The following ZC3H3 variants were observed in gnomAD, a reference collection of about 807,000 sequenced individuals.
ZC3H3 encodes the protein zinc finger CCCH domain-containing protein 3.
ZC3H3 carries 36 observed loss-of-function variants against 77.3 expected under a neutral mutation model. That is an observed-to-expected ratio of 0.47 (90% CI 0.36 to 0.61). ZC3H3 has a LOEUF of 0.61. Among genes scored for constraint, ZC3H3 ranks in the 20% least tolerant of loss-of-function variants. The pLI is 0.00. For synonymous variants in ZC3H3, 626 were observed against 555.2 expected (o/e 1.13, Z -1.79); for missense variants, 1,331 against 1,312.2 (o/e 1.01, Z -0.22).
intron 4 of ZC3H3, among the ~76,000 whole-genome samples, chr8:143,505,861 C>T (rs1198670516): frequency 6.6e-6 from 1 of 152,214 alleles, no homozygotes; most frequent in African/African-American, 2.4e-5. Context: ...GCCTGCTCCA[C>T]CTCCTGCCCA....
chr8:143,461,191 T>A (rs1336492166), intron 9 of ZC3H3, among the ~76,000 whole-genome samples: 1 of 152,046 alleles, frequency 6.6e-6, no homozygotes, highest in East Asian at 1.9e-4. Context: ...ATGTGGTACG[T>A]GAATCATATC....
intron 4 of ZC3H3, among the ~76,000 whole-genome samples, chr8:143,489,164 T>C (rs1173540667): frequency 1.3e-5 from 2 of 152,212 alleles, no homozygotes; most frequent in African/African-American, 4.8e-5. Flanking sequence ...CAAATGTCAT[T>C]GCCTGCAGGG....
intron 11 of ZC3H3, among the ~76,000 whole-genome samples, chr8:143,439,281 G>A (rs958775604): frequency 6.6e-6 from 1 of 152,148 alleles, no homozygotes; most frequent in Non-Finnish European, 1.5e-5. Flanking sequence ...CTCCGAGGCA[G>A]GCATTTGAGT....
At chr8:143,485,405 G>C (rs1821025842) in intron 4 of ZC3H3, among the ~76,000 whole-genome samples, 1 of 152,176 alleles carries the variant, frequency 6.6e-6, no homozygotes, top group South Asian at 2.1e-4. Flanking sequence ...GGAGAGTCTG[G>C]GAACAGCCCA....
chr8:143,464,674 G>C (rs1820360247), intron 9 of ZC3H3, among the ~76,000 whole-genome samples: 1 of 152,178 alleles, frequency 6.6e-6, no homozygotes, highest in South Asian at 2.1e-4. Flanking sequence ...TGGGGTGCCT[G>C]GTGTTCTCGG....
chr8:143,464,578 C>T (rs918460106), intron 9 of ZC3H3, among the ~76,000 whole-genome samples: 2 of 152,202 alleles, frequency 1.3e-5, no homozygotes, highest in African/African-American at 4.8e-5. Context: ...TACAGGACCC[C>T]ACAGGTGAAC....
At chr8:143,503,522 T>C (rs1339150437) in intron 4 of ZC3H3, among the ~76,000 whole-genome samples, 24 of 113,920 alleles carry the variant, frequency 2.1e-4, no homozygotes, top group African/African-American at 7.0e-4. Context: ...CACCCAGCCA[T>C]CCCCCGACCA....
intron 4 of ZC3H3, among the ~76,000 whole-genome samples, chr8:143,500,289 C>T (rs1416613140): frequency 6.6e-6 from 1 of 152,238 alleles, no homozygotes; most frequent in African/African-American, 2.4e-5. Context: ...CTGCCTGCTG[C>T]CCAGGTATCT....
At chr8:143,490,216 G>C (rs994354462) in intron 4 of ZC3H3, among the ~76,000 whole-genome samples, 1 of 152,210 alleles carries the variant, frequency 6.6e-6, no homozygotes, top group African/African-American at 2.4e-5. Context: ...GCCCCCCGGG[G>C]CCTGGACCCT....
chr8:143,462,260 A>G lies in ZC3H3; in HGVS notation c.2307+3457T>C, dbSNP rs1430238420. 2.6e-5 allele frequency among the ~76,000 whole-genome samples: 4 copies of G among 152,174 alleles called. No individual in the cohort carries two copies. Among genetic ancestry groups the G allele is most frequent in the Non-Finnish European group, 5.9e-5 (4 of 68,022 alleles). On this transcript the variant is annotated intron_variant, in intron 9 of 11. Transcript: ENST00000262577. The surrounding 1 kb of genome is among the most constrained non-coding windows in gnomAD (Gnocchi z 4.7). Reference sequence around the variant, plus strand: ...AAAGGAGACTGAGGCCAGAGGAGGAAGTAACCGTGCAGGGACAAGCGACAC... The same window carrying G: ...AAAGGAGACTGAGGCCAGAGGAGGAGGTAACCGTGCAGGGACAAGCGACAC...
intron 4 of ZC3H3, among the ~76,000 whole-genome samples, chr8:143,486,660 A>G (rs899489203): frequency 4.6e-5 from 7 of 152,094 alleles, no homozygotes; most frequent in Non-Finnish European, 7.4e-5. Flanking sequence ...CACCCGCTAC[A>G]TGACCCCACC....
At chr8:143,507,668 T>G in intron 4 of ZC3H3, 78 bp downstream of exon 4, 1 of 1,391,096 alleles carries the variant, frequency 7.2e-7, no homozygotes, top group Non-Finnish European at 9.3e-7. Flanking sequence ...GGCCCTTGGA[T>G]TCTACCCTGC....
At chr8:143,498,992 C>T (rs1821444873) in intron 4 of ZC3H3, among the ~76,000 whole-genome samples, 1 of 151,862 alleles carries the variant, frequency 6.6e-6, no homozygotes, top group East Asian at 1.9e-4. Context: ...GGGGCAGAGG[C>T]AGAGCCATGG....
chr8:143,514,451 C>T (rs1228277631), intron 3 of ZC3H3, among the ~76,000 whole-genome samples: 4 of 152,216 alleles, frequency 2.6e-5, no homozygotes, highest in Admixed American at 2.6e-4. Flanking sequence ...TACCACACAG[C>T]AAACATGATC....
At chr8:143,536,014 G>A (rs1314969202) in intron 3 of ZC3H3, among the ~76,000 whole-genome samples, 1 of 152,186 alleles carries the variant, frequency 6.6e-6, no homozygotes, top group Non-Finnish European at 1.5e-5. Context: ...TCCATACCAA[G>A]GGACACACAG....
intron 5 of ZC3H3, 90 bp from the exon 6 acceptor site, chr8:143,468,749 GGT>G: frequency 6.9e-7 from 1 of 1,459,480 alleles, no homozygotes; most frequent in Non-Finnish European, 9.1e-7. Flanking sequence ...GGCCCTCAGG[GGT>G]CCCAACACTC....
chr8:143,465,044 G>A (rs1820370530), intron 9 of ZC3H3, among the ~76,000 whole-genome samples: 1 of 152,116 alleles, frequency 6.6e-6, no homozygotes, highest in Non-Finnish European at 1.5e-5. Context: ...GGAGCTGGCT[G>A]CACTGCCGGG....
chr8:143,519,716 A>G (rs1489703193), intron 3 of ZC3H3, among the ~76,000 whole-genome samples: 2 of 152,296 alleles, frequency 1.3e-5, no homozygotes, highest in Admixed American at 6.5e-5. Flanking sequence ...TCACAGCCGC[A>G]GGCCCCACGT....
At chr8:143,517,677 T>G (rs1177267387) in intron 3 of ZC3H3, among the ~76,000 whole-genome samples, 1 of 152,166 alleles carries the variant, frequency 6.6e-6, no homozygotes, top group Non-Finnish European at 1.5e-5. Context: ...ACCCCAGGCC[T>G]GCGGCTCACC....
Sources: allele counts gnomAD v4.1 joint callset (sites outside exome capture counted in the v4.1 genomes callset), GRCh38; gene constraint gnomAD v4.1.1; non-coding constraint Gnocchi (gnomAD v3.1); transcripts MANE v1.5; gene names NCBI Gene and HGNC (gene_info 2026-07-23, HGNC 2026-07-21).